Variants in NSD2 observed in about 807,000 individuals in gnomAD.
NSD2 encodes the protein nuclear receptor binding SET domain protein 2.
NSD2 carries 12 observed loss-of-function variants against 139.0 expected under a neutral mutation model. That is an observed-to-expected ratio of 0.09 (90% CI 0.06 to 0.14). The LOEUF (loss-of-function observed/expected upper bound fraction) is 0.14. Among genes scored for constraint, NSD2 ranks in the 10% least tolerant of loss-of-function variants. The pLI is 1.00. For missense variants in NSD2, 1,155 were observed against 1,745.0 expected (o/e 0.66, Z 6.02); for synonymous variants, 669 against 648.7 (o/e 1.03, Z -0.48).
chr4:1,892,276 A>C (rs1715634762), intron 1 of NSD2: 1 of 151,560 alleles, frequency 6.6e-6, no homozygotes, highest in Admixed American at 6.6e-5. Flanking sequence ...GTGAGCCCCC[A>C]CACCCGGCCT....
In NSD2 at chr4:1,978,621, C is replaced by CT. The variant is rs753462758; in HGVS notation, c.3827-15dup. ...TTCCATCACTTCTGTGTGCTCACAT[C>CT]TTGTGTTCTGTTGCAGGGAAGTGGG... On this transcript the variant is annotated splice_polypyrimidine_tract_variant and intron_variant, in intron 21 of 21. Coordinates refer to ENST00000508803, the MANE Select transcript of NSD2 (RefSeq NM_001042424.3). The CT allele has an allele frequency of 1.5e-5, 24 of 1,593,310 alleles. 1 individual carries two copies. The highest frequency in any genetic ancestry group is 5.1e-5 in the Admixed American group (3 of 59,250).
chr4:1,938,030 TGAATG>T (rs1722607451), intron 7 of NSD2, among the ~76,000 whole-genome samples: 2 of 152,230 alleles, frequency 1.3e-5, no homozygotes, highest in African/African-American at 4.8e-5. Flanking sequence ...GGGCACCTCT[TGAATG>T]GAAGGATCCA....
At chr4:1,907,291 C>T (rs962501521) in intron 3 of NSD2, among the ~76,000 whole-genome samples, 1 of 152,152 alleles carries the variant, frequency 6.6e-6, no homozygotes, top group African/African-American at 2.4e-5. Context: ...TCCCATTCCC[C>T]TGGTTTCTTC....
intron 1 of NSD2, among the ~76,000 whole-genome samples, chr4:1,890,882 C>T (rs555758872): frequency 6.6e-6 from 1 of 152,192 alleles, no homozygotes; most frequent in African/African-American, 2.4e-5. Context: ...CAGGGGTAAG[C>T]CACCACGCCC....
chr4:1,908,801 T>A (rs913446619), intron 3 of NSD2, among the ~76,000 whole-genome samples: 1 of 151,980 alleles, frequency 6.6e-6, no homozygotes, highest in Non-Finnish European at 1.5e-5. Context: ...TGAGATAGGG[T>A]CTTGGCTCTG....
rs34890746 is a variant in NSD2 at position 1,907,638 on chromosome 4, T to TG, written c.760+3261dup. On this transcript the variant is annotated intron_variant, in intron 3 of 21. Coordinates refer to ENST00000508803, the MANE Select transcript of NSD2 (RefSeq NM_001042424.3). ...CTCTTTTTTTTTTTTTTTTTTTTTTTGTGACACAGTCTCACTCTGTTGCCA... is the reference window on the plus strand; with the variant it reads ...CTCTTTTTTTTTTTTTTTTTTTTTTTGGTGACACAGTCTCACTCTGTTGCCA... 5.6e-5 allele frequency among the ~76,000 whole-genome samples: 8 copies of TG among 142,900 alleles called. No homozygotes were observed. In the South Asian group the frequency reaches 6.5e-4, roughly 12 times the overall value. The allele number at this position is 142,900 out of a possible 152,430, so 93.7% of individuals were successfully genotyped here. A position where few individuals can be genotyped will look rare whatever the true frequency, so the allele number is the denominator to read the frequency against.
chr4:1,943,190 C>T (rs1365822387), intron 9 of NSD2: 1 of 1,040,946 alleles, frequency 9.6e-7, no homozygotes, highest in African/African-American at 1.7e-5. Flanking sequence ...AAGGAAAAGG[C>T]TTACTTGCCC....
At chr4:1,938,412 C>CTTTGTTTTTTT in intron 7 of NSD2, 39 bp from the exon 8 acceptor site, 3 of 635,578 alleles carry the variant, frequency 4.7e-6, no homozygotes. Context: ...TTTTTTTTTT[C>CTTTGTTTTTTT]TTTCTTTTTT....
At chr4:1,888,477 C>G (rs897721773) in intron 1 of NSD2, among the ~76,000 whole-genome samples, 2 of 148,422 alleles carry the variant, frequency 1.3e-5, no homozygotes, top group Admixed American at 6.7e-5. Context: ...ATATCCTCAG[C>G]TGATAGCTTG....
intron 4 of NSD2, 93 bp downstream of exon 4, chr4:1,917,130 G>C (rs1297729878): frequency 8.3e-7 from 1 of 1,200,510 alleles, no homozygotes; most frequent in Non-Finnish European, 1.1e-6. Context: ...ATACTTGCTC[G>C]AAATATTGTA....
At chr4:1,931,235 G>A (rs1721597988) in intron 6 of NSD2, among the ~76,000 whole-genome samples, 1 of 152,242 alleles carries the variant, frequency 6.6e-6, no homozygotes, top group Non-Finnish European at 1.5e-5. Flanking sequence ...GGGGTCCGGA[G>A]TGTGGGCAGC....
At chr4:1,895,182 T>C (rs1037791854) in intron 1 of NSD2, among the ~76,000 whole-genome samples, 9 of 152,246 alleles carry the variant, frequency 5.9e-5, no homozygotes, top group African/African-American at 2.2e-4. Flanking sequence ...TCTATTCATC[T>C]GTTGATGGGT....
At chr4:1,879,824 TTG>T (rs140755867) in intron 1 of NSD2, among the ~76,000 whole-genome samples, 7,507 of 142,984 alleles carry the variant, frequency 0.053, 167 homozygotes, top group Middle Eastern at 0.069. Context: ...CCCATGGCAC[TTG>T]TGTGTGTGTG....
intron 17 of NSD2, among the ~76,000 whole-genome samples, 155 bp from the exon 18 acceptor site, chr4:1,960,880 A>G (rs1725296798): frequency 6.6e-6 from 1 of 152,170 alleles, no homozygotes; most frequent in African/African-American, 2.4e-5. Flanking sequence ...AGATCCTTTG[A>G]ATTTAATTTA....
At chr4:1,943,703 C>T (rs1424239989) in intron 9 of NSD2, 2 of 1,051,548 alleles carry the variant, frequency 1.9e-6, no homozygotes, top group East Asian at 1.1e-4. Flanking sequence ...CATGAAAAAG[C>T]TCAAGAGTAA....
At position 1,975,281 on chromosome 4, in the gene NSD2, CCTCTT is replaced by C. The variant is rs1560812115; in HGVS notation, c.3515-9_3515-5del. On this transcript the variant is annotated splice_polypyrimidine_tract_variant and splice_region_variant and intron_variant, in intron 19 of 21. Coordinates refer to ENST00000508803, the MANE Select transcript of NSD2 (RefSeq NM_001042424.3). ...GGTGTTTCCAATTTGGTGTCTGTCT[CCTCTT>C]CTCCCAGGGACGGAGCTGACTTTTA... 4.3e-6 allele frequency: 7 copies of C among 1,613,408 alleles called. No individual in the cohort carries two copies. In the Admixed American group the frequency reaches 1.2e-4, roughly 27 times the overall value.
At chr4:1,935,715 G>T (rs181445554) in intron 7 of NSD2, among the ~76,000 whole-genome samples, 1 of 152,060 alleles carries the variant, frequency 6.6e-6, no homozygotes, top group African/African-American at 2.4e-5. Flanking sequence ...CAAAAAATTA[G>T]CTGGGCATGG....
chr4:1,905,434 T>C (rs933284390), intron 3 of NSD2, among the ~76,000 whole-genome samples: 1 of 152,256 alleles, frequency 6.6e-6, no homozygotes, highest in African/African-American at 2.4e-5. Context: ...CAGCCTCTTA[T>C]GGCCCCTTGG....
At position 1,972,010 on chromosome 4, in the gene NSD2, C is replaced by A. The variant is rs955718512; in HGVS notation, c.3373-2853C>A. Among the ~76,000 whole-genome samples, 1 of 152,192 alleles carries A rather than the reference C, an allele frequency of 6.6e-6. No individual in the cohort carries two copies. Among genetic ancestry groups the A allele is most frequent in the African/African-American group, 2.4e-5 (1 of 41,450 alleles). On this transcript the variant is annotated intron_variant, in intron 18 of 21. Coordinates refer to ENST00000508803, the MANE Select transcript of NSD2 (RefSeq NM_001042424.3). This position sits in a 1 kb window ranked among gnomAD's most constrained non-coding sequence, Gnocchi z 4.0. Reference sequence around the variant, plus strand: ...GGACGCTCACGCCGCTCCTGTACCCCCAAGGCTGCGGGTGCTGGGTGATGC... The same window carrying A: ...GGACGCTCACGCCGCTCCTGTACCCACAAGGCTGCGGGTGCTGGGTGATGC...
Sources: allele counts gnomAD v4.1 joint callset (sites outside exome capture counted in the v4.1 genomes callset), GRCh38; gene constraint gnomAD v4.1.1; non-coding constraint Gnocchi (gnomAD v3.1); transcripts MANE v1.5; gene names NCBI Gene and HGNC (gene_info 2026-07-23, HGNC 2026-07-21).